Variants in CNTNAP2 observed in about 807,000 individuals in gnomAD.
The protein encoded by CNTNAP2 is contactin associated protein 2.
In CNTNAP2, 98 loss-of-function variants were observed where a neutral mutation model predicts 155.2. That is an observed-to-expected ratio of 0.63 (90% CI 0.54 to 0.75). The LOEUF (loss-of-function observed/expected upper bound fraction) is 0.75, where lower values mean the gene tolerates loss of function less well. CNTNAP2 is among the 30% of genes least tolerant of loss of function. The probability of loss-of-function intolerance (pLI) is 0.00; values close to 1 mark genes in which losing one functional copy is unlikely to be tolerated. For missense variants in CNTNAP2, 1,727 were observed against 1,688.1 expected (o/e 1.02, Z -0.40); for synonymous variants, 651 against 631.2 (o/e 1.03, Z -0.47).
chr7:146,804,632 A>C (rs1177427557), intron 2 of CNTNAP2, among the ~76,000 whole-genome samples: 1 of 152,222 alleles, frequency 6.6e-6, no homozygotes, highest in Non-Finnish European at 1.5e-5. Context: ...TATACATGGC[A>C]GATATCACTT....
chr7:148,367,136 C>T (rs1798798298), intron 21 of CNTNAP2, among the ~76,000 whole-genome samples: 1 of 151,860 alleles, frequency 6.6e-6, no homozygotes, highest in Non-Finnish European at 1.5e-5. Flanking sequence ...GAGGCTGAGG[C>T]AGGAGAATCG....
intron 15 of CNTNAP2, among the ~76,000 whole-genome samples, chr7:147,978,353 A>ATT (rs1801467230): frequency 6.6e-6 from 1 of 152,180 alleles, no homozygotes; most frequent in Non-Finnish European, 1.5e-5. Context: ...ATATCACCAT[A>ATT]AACCGAGTTT....
chr7:146,904,830 G>C (rs747108517), intron 3 of CNTNAP2, among the ~76,000 whole-genome samples: 2 of 152,112 alleles, frequency 1.3e-5, no homozygotes, highest in African/African-American at 4.8e-5. Flanking sequence ...ATCGTATTGT[G>C]CTGCTCACAA....
chr7:147,165,133 A>G (rs1802091138), intron 8 of CNTNAP2, among the ~76,000 whole-genome samples: 1 of 150,668 alleles, frequency 6.6e-6, no homozygotes, highest in Non-Finnish European at 1.5e-5. Flanking sequence ...TCCTTTTATC[A>G]AAACAGTGGG....
chr7:147,121,741 TAATC>T (rs1302966085), intron 6 of CNTNAP2: 10 of 152,576 alleles, frequency 6.6e-5, no homozygotes, highest in African/African-American at 2.2e-4. Flanking sequence ...AGATTAAAAA[TAATC>T]AATGATCACG....
chr7:148,202,679 C>G (rs1428136679), intron 18 of CNTNAP2, among the ~76,000 whole-genome samples: 2 of 152,166 alleles, frequency 1.3e-5, no homozygotes, highest in African/African-American at 4.8e-5. Context: ...TTGAAGCTGT[C>G]TCCTCACTTG....
intron 18 of CNTNAP2, among the ~76,000 whole-genome samples, chr7:148,184,325 T>G (rs1795085384): frequency 6.6e-6 from 1 of 152,248 alleles, no homozygotes; most frequent in Non-Finnish European, 1.5e-5. Context: ...CTTTGCTTTT[T>G]GTTAAAAGAG....
At chr7:147,297,493 T>C (rs6464791) in intron 8 of CNTNAP2, among the ~76,000 whole-genome samples, 7,715 of 151,686 alleles carry the variant, frequency 0.051, 243 homozygotes, top group African/African-American at 0.086. Context: ...GAGAGGAAAA[T>C]GATATGTTAT....
At chr7:148,060,829 C>A (rs886550499) in intron 15 of CNTNAP2, among the ~76,000 whole-genome samples, 2 of 152,122 alleles carry the variant, frequency 1.3e-5, no homozygotes, top group African/African-American at 4.8e-5. Flanking sequence ...TCTCCAGACA[C>A]CAAAGGTTTA....
At chr7:146,233,615 T>G (rs1211133876) in intron 1 of CNTNAP2, among the ~76,000 whole-genome samples, 11 of 152,046 alleles carry the variant, frequency 7.2e-5, no homozygotes, top group African/African-American at 2.7e-4. Flanking sequence ...TCCCTCCCCC[T>G]TCCCCCCACA....
intron 1 of CNTNAP2, among the ~76,000 whole-genome samples, chr7:146,283,508 C>T (rs1186952321): frequency 6.6e-6 from 1 of 152,080 alleles, no homozygotes; most frequent in African/African-American, 2.4e-5. Context: ...GCAGGGACCA[C>T]AGGTGTGAGC....
At chr7:148,338,375 C>T (rs756974441) in intron 21 of CNTNAP2, among the ~76,000 whole-genome samples, 13 of 152,128 alleles carry the variant, frequency 8.5e-5, no homozygotes, top group Non-Finnish European at 1.5e-4. Flanking sequence ...GCAGGCTCTT[C>T]CTGTTGTCCT....
chr7:147,326,204 G>C (rs545882371), intron 9 of CNTNAP2, among the ~76,000 whole-genome samples: 2 of 152,170 alleles, frequency 1.3e-5, no homozygotes, highest in South Asian at 4.1e-4. Context: ...GATTACAGGC[G>C]TTAGCCACTG....
intron 11 of CNTNAP2, among the ~76,000 whole-genome samples, chr7:147,517,169 C>T (rs1799143531): frequency 6.6e-6 from 1 of 152,014 alleles, no homozygotes; most frequent in South Asian, 2.1e-4. Flanking sequence ...CATGCCCCAC[C>T]AAGATGTAAT....
intron 23 of CNTNAP2, among the ~76,000 whole-genome samples, chr7:148,411,161 C>T (rs1006377845): frequency 6.6e-6 from 1 of 152,176 alleles, no homozygotes; most frequent in Non-Finnish European, 1.5e-5. Flanking sequence ...ATATTGACAT[C>T]CCTGTTACCA....
intron 12 of CNTNAP2, among the ~76,000 whole-genome samples, chr7:147,567,795 A>G (rs1489101287): frequency 6.6e-6 from 1 of 152,170 alleles, no homozygotes; most frequent in South Asian, 2.1e-4. Flanking sequence ...CATTAAAAAA[A>G]AAATCTTTGG....
At chr7:146,591,977 A>G (rs1199010572) in intron 1 of CNTNAP2, among the ~76,000 whole-genome samples, 1 of 152,182 alleles carries the variant, frequency 6.6e-6, no homozygotes, top group Non-Finnish European at 1.5e-5. Flanking sequence ...ATCACCATCC[A>G]TCAGTTATCA....
intron 17 of CNTNAP2, among the ~76,000 whole-genome samples, chr7:148,159,713 T>G (rs1805480632): frequency 6.6e-6 from 1 of 152,198 alleles, no homozygotes; most frequent in Non-Finnish European, 1.5e-5. Flanking sequence ...TGTACCTAAT[T>G]TCACTAAGCA....
rs144547774 is a variant in CNTNAP2 at position 148,161,499 on chromosome 7, T to C, written c.2774-10743T>C. Among the ~76,000 whole-genome samples the C allele has an allele frequency of 5.4e-3, 824 of 152,248 alleles. 4 individuals carry two copies. Among genetic ancestry groups the C allele is most frequent in the African/African-American group, 0.019 (784 of 41,546 alleles). On this transcript the variant is annotated intron_variant, in intron 17 of 23. Transcript: ENST00000361727. ...TCAGGACAAACCTCTGGCATTGTCA[T>C]CCCTCTCAACCCTTTCTTGTTTCCA...
Sources: allele counts gnomAD v4.1 joint callset (sites outside exome capture counted in the v4.1 genomes callset), GRCh38; gene constraint gnomAD v4.1.1; transcripts MANE v1.5; gene names NCBI Gene and HGNC (gene_info 2026-07-23, HGNC 2026-07-21).